The following DLGAP2 variants were observed in gnomAD, a reference collection of about 807,000 sequenced individuals.
DLGAP2 encodes the protein disks large-associated protein 2.
A neutral mutation model predicts 100.3 loss-of-function variants in DLGAP2; 26 were observed. The ratio of observed to expected loss-of-function variants is 0.26; its 90% CI spans 0.19 to 0.36. The LOEUF (loss-of-function observed/expected upper bound fraction) is 0.36. DLGAP2 is among the 10% of genes least tolerant of loss of function. DLGAP2 has a pLI of 1.00. For synonymous variants in DLGAP2, 886 were observed against 630.1 expected, an observed-to-expected ratio of 1.41 and a Z score of -6.08; for missense variants, 1,858 against 1,453.2, an observed-to-expected ratio of 1.28 and a Z score of -4.53.
intron 3 of DLGAP2, among the ~76,000 whole-genome samples, chr8:1,359,719 C>T (rs144997785): frequency 1.3e-5 from 2 of 152,346 alleles, no homozygotes; most frequent in African/African-American, 4.8e-5. Context: ...ATAAAACCCG[C>T]GCGTTCCCTG....
chr8:995,120 G>T (rs1001416522), intron 2 of DLGAP2, among the ~76,000 whole-genome samples: 5 of 152,112 alleles, frequency 3.3e-5, no homozygotes, highest in African/African-American at 4.8e-5. Flanking sequence ...TGTTTTTATT[G>T]CCTCAGACAG....
intron 3 of DLGAP2, among the ~76,000 whole-genome samples, chr8:1,362,823 G>T (rs1802016831): frequency 6.6e-6 from 1 of 152,222 alleles, no homozygotes; most frequent in Admixed American, 6.5e-5. Context: ...TGGGCTTCTG[G>T]GCTTCTCCTG....
At chr8:1,009,768 G>T (rs1471562411) in intron 2 of DLGAP2, among the ~76,000 whole-genome samples, 2 of 152,212 alleles carry the variant, frequency 1.3e-5, no homozygotes, top group South Asian at 4.1e-4. Flanking sequence ...CCACAGCCTA[G>T]ACCTTGCTCA....
intron 1 of DLGAP2, among the ~76,000 whole-genome samples, chr8:771,669 T>G (rs1233412758): frequency 6.6e-6 from 1 of 152,248 alleles, no homozygotes; most frequent in Non-Finnish European, 1.5e-5. Context: ...AGAGACGCAT[T>G]GAACACGACG....
At chr8:1,374,324 C>T (rs1802338024) in intron 3 of DLGAP2, among the ~76,000 whole-genome samples, 1 of 151,784 alleles carries the variant, frequency 6.6e-6, no homozygotes, top group Non-Finnish European at 1.5e-5. Context: ...ACGGTGGTCC[C>T]ATGCAGCCCG....
intron 3 of DLGAP2, among the ~76,000 whole-genome samples, chr8:1,357,105 C>CA (rs1801872771): frequency 6.6e-6 from 1 of 151,970 alleles, no homozygotes; most frequent in Non-Finnish European, 1.5e-5. Context: ...ATGAGCCACC[C>CA]AAAACTAATA....
chr8:1,028,128 G>A (rs1801865735), intron 2 of DLGAP2, among the ~76,000 whole-genome samples: 1 of 138,436 alleles, frequency 7.2e-6, no homozygotes, highest in Non-Finnish European at 1.6e-5. Context: ...TCCAGGTGGG[G>A]TGTCACGCGC....
At chr8:1,262,005 G>C (rs559603434) in intron 3 of DLGAP2, among the ~76,000 whole-genome samples, 1 of 152,290 alleles carries the variant, frequency 6.6e-6, no homozygotes, top group East Asian at 1.9e-4. Flanking sequence ...TCGCTTTCTT[G>C]TCAGAAAGCT....
chr8:809,146 C>T (rs1010093095), intron 1 of DLGAP2, among the ~76,000 whole-genome samples: 1 of 152,116 alleles, frequency 6.6e-6, no homozygotes, highest in Non-Finnish European at 1.5e-5. Flanking sequence ...CTCAAGTGAT[C>T]TGCCTGCCTT....
intron 2 of DLGAP2, among the ~76,000 whole-genome samples, chr8:966,098 CA>C (rs1299747486): frequency 6.6e-6 from 1 of 152,214 alleles, no homozygotes; most frequent in Non-Finnish European, 1.5e-5. Context: ...CTGATGAGGT[CA>C]GTCACGCGCT....
intron 1 of DLGAP2, among the ~76,000 whole-genome samples, chr8:794,871 C>T (rs1046373912): frequency 5.9e-5 from 9 of 151,404 alleles, no homozygotes; most frequent in East Asian, 3.9e-4. Context: ...CTGTGGGTGG[C>T]GGGTATTTCT....
intron 3 of DLGAP2, among the ~76,000 whole-genome samples, chr8:1,336,523 G>T (rs982632435): frequency 6.6e-6 from 1 of 152,166 alleles, no homozygotes; most frequent in Admixed American, 6.5e-5. Flanking sequence ...ACTCTGTGCC[G>T]GAAGCCTTTC....
chr8:1,611,136 C>T lies in DLGAP2; in HGVS notation c.1443-15604C>T, dbSNP rs1398752585. Among the ~76,000 whole-genome samples, 18 of 140,830 alleles carry T rather than the reference C, an allele frequency of 1.3e-4. No individual in the cohort carries two copies. In the East Asian group the frequency reaches 3.8e-3, roughly 30 times the overall value. The allele number at this position is 140,830 out of a possible 152,430, so 92.4% of individuals were successfully genotyped here. A position where few individuals can be genotyped will look rare whatever the true frequency, so the allele number is the denominator to read the frequency against. ...CTTGATGAACATCGATGCAAAAATC[C>T]TCAATAAAATACTGGCAAACCGAAT... On this transcript the variant is annotated intron_variant, in intron 6 of 14. Transcript: ENST00000637795.
rs558424791 is a variant in DLGAP2 at position 1,163,979 on chromosome 8, C to T, written c.74-94872C>T. Reference sequence around the variant, plus strand: ...CCTGCCAGGCCTCCTAGACGAGAGCCCTCTAAGACTCAGTGTTCAGGGTTT... The same window carrying T: ...CCTGCCAGGCCTCCTAGACGAGAGCTCTCTAAGACTCAGTGTTCAGGGTTT... On this transcript the variant is annotated intron_variant, in intron 2 of 14. Coordinates refer to ENST00000637795, the MANE Select transcript of DLGAP2 (RefSeq NM_001346810.2). Among the ~76,000 whole-genome samples the T allele has an allele frequency of 2.6e-4, 39 of 152,324 alleles. 1 individual carries two copies. Among genetic ancestry groups the T allele is most frequent in the South Asian group, 1.0e-3 (5 of 4,828 alleles).
intron 2 of DLGAP2, among the ~76,000 whole-genome samples, chr8:1,149,888 A>T (rs1199913218): frequency 6.6e-6 from 1 of 152,184 alleles, no homozygotes; most frequent in Non-Finnish European, 1.5e-5. Flanking sequence ...GATGGGTGTT[A>T]TTATCACCTT....
intron 2 of DLGAP2, among the ~76,000 whole-genome samples, chr8:1,086,047 T>C (rs2129040484): frequency 6.6e-6 from 1 of 152,350 alleles, no homozygotes; most frequent in Non-Finnish European, 1.5e-5. Context: ...GATTGTTCTC[T>C]TGATTTCTTT....
intron 8 of DLGAP2, among the ~76,000 whole-genome samples, chr8:1,665,896 C>T (rs1001526870): frequency 6.6e-6 from 1 of 152,244 alleles, no homozygotes; most frequent in Admixed American, 6.5e-5. Context: ...TCGATGAGCC[C>T]TCCTCACATC....
chr8:789,642 C>G (rs377291984), intron 1 of DLGAP2, among the ~76,000 whole-genome samples: 24 of 152,206 alleles, frequency 1.6e-4, no homozygotes, highest in African/African-American at 4.8e-4. Context: ...AGTATATATT[C>G]TAGATAGCCC....
intron 2 of DLGAP2, among the ~76,000 whole-genome samples, chr8:1,188,951 T>C (rs6651435): frequency 0.012 from 1,504 of 126,952 alleles, 32 homozygotes; most frequent in African/African-American, 0.066. Context: ...GGTTCCGCGG[T>C]TGGGGTTGAC....
Sources: allele counts gnomAD v4.1 joint callset (sites outside exome capture counted in the v4.1 genomes callset), GRCh38; gene constraint gnomAD v4.1.1; transcripts MANE v1.5; gene names NCBI Gene and HGNC (gene_info 2026-07-23, HGNC 2026-07-21).